Variants in ANKFN1 observed in about 807,000 individuals in gnomAD.
The protein encoded by ANKFN1 is ankyrin repeat and fibronectin type-III domain-containing protein 1.
Under a neutral mutation model 108.7 loss-of-function variants are expected in ANKFN1, and 74 were observed. That is an observed-to-expected ratio of 0.68 (90% confidence interval 0.56 to 0.83). ANKFN1 has a LOEUF of 0.83. Ranked by LOEUF, ANKFN1 falls within the 40% of genes least tolerant of loss-of-function variation. The probability of loss-of-function intolerance (pLI) is 0.00; values close to 1 mark genes in which losing one functional copy is unlikely to be tolerated. For missense variants in ANKFN1, 1,505 were observed against 1,382.3 expected, an observed-to-expected ratio of 1.09 and a Z score of -1.41; for synonymous variants, 547 against 516.2, an observed-to-expected ratio of 1.06 and a Z score of -0.81.
upstream of ANKFN1, among the ~76,000 whole-genome samples, chr17:56,149,629 G>A (rs1053656735): frequency 6.6e-6 from 1 of 152,194 alleles, no homozygotes; most frequent in African/African-American, 2.4e-5. Context: ...TAAAGAAAGA[G>A]CTTCCTTGGA....
chr17:56,081,621 G>A (rs1905247028), intron 4 of ANKFN1, among the ~76,000 whole-genome samples: 1 of 152,142 alleles, frequency 6.6e-6, no homozygotes, highest in Non-Finnish European at 1.5e-5. Context: ...CCAAAGTACT[G>A]GGATTACAGG....
Position 56,363,358 on chromosome 17 carries a change from C to G in ANKFN1, c.602-9288C>G, listed in dbSNP as rs2046575900. Among the ~76,000 whole-genome samples, 5 of 152,022 alleles carry G rather than the reference C, an allele frequency of 3.3e-5. No homozygotes were observed. The South Asian group carries it at 1.0e-3, about 32-fold the overall frequency. ...TCTTCAGGAAAATGCAAATTAAGATCACAATGAGAAATGAGATATCATCTA... is the reference window on the plus strand; with the variant it reads ...TCTTCAGGAAAATGCAAATTAAGATGACAATGAGAAATGAGATATCATCTA... On this transcript the variant is annotated intron_variant, in intron 6 of 20. Transcript: ENST00000682825.
chr17:56,154,125 G>A (rs971179334), intron 1 of ANKFN1, among the ~76,000 whole-genome samples: 1 of 152,126 alleles, frequency 6.6e-6, no homozygotes, highest in Non-Finnish European at 1.5e-5. Context: ...GGTTGTGTCG[G>A]TGGTATCGGA....
At chr17:56,153,441 A>G, upstream of ANKFN1, 1 of 1,587,878 alleles carries the variant, frequency 6.3e-7, no homozygotes, top group East Asian at 2.2e-5. Flanking sequence ...CCGTGTGGAC[A>G]TTCGCAAAGG....
intron 2 of ANKFN1, among the ~76,000 whole-genome samples, chr17:56,218,418 A>G (rs1344836166): frequency 1.3e-5 from 2 of 152,082 alleles, no homozygotes; most frequent in Admixed American, 1.3e-4. Flanking sequence ...ATAATGTTCA[A>G]CCCTTTACCT....
intron 11 of ANKFN1, among the ~76,000 whole-genome samples, chr17:56,454,683 T>C (rs1483746183): frequency 6.6e-6 from 1 of 152,154 alleles, no homozygotes; most frequent in African/African-American, 2.4e-5. Flanking sequence ...GGTCAAATTT[T>C]CCACAGAAAT....
At chr17:56,373,694 G>A (rs1385608933) in intron 7 of ANKFN1, among the ~76,000 whole-genome samples, 1 of 152,154 alleles carries the variant, frequency 6.6e-6, no homozygotes, top group African/African-American at 2.4e-5. Flanking sequence ...CCTTTCTCTT[G>A]GAGCAAATAA....
chr17:56,170,807 T>TATATATACACACACAC (rs1361307404), intron 1 of ANKFN1, among the ~76,000 whole-genome samples: 18 of 61,444 alleles, frequency 2.9e-4, no homozygotes, highest in African/African-American at 9.1e-4. Flanking sequence ...TATATATATA[T>TATATATACACACACAC]ACACACACAC....
chr17:56,363,560 C>T (rs2046582174), intron 6 of ANKFN1, among the ~76,000 whole-genome samples: 1 of 152,162 alleles, frequency 6.6e-6, no homozygotes, highest in South Asian at 2.1e-4. Flanking sequence ...CCTAGTCATC[C>T]TACTTCTGGG....
intron 11 of ANKFN1, among the ~76,000 whole-genome samples, chr17:56,454,659 C>T (rs1424011976): frequency 9.2e-5 from 14 of 152,206 alleles, no homozygotes; most frequent in Non-Finnish European, 1.8e-4. Flanking sequence ...TCTTTGGGTA[C>T]GTTCTCTTAG....
intron 1 of ANKFN1, among the ~76,000 whole-genome samples, chr17:56,176,163 C>G (rs1448736035): frequency 6.6e-6 from 1 of 151,876 alleles, no homozygotes; most frequent in Admixed American, 6.6e-5. Flanking sequence ...GTAAATGATG[C>G]GAATCCATGT....
intron 3 of ANKFN1, among the ~76,000 whole-genome samples, chr17:56,231,793 C>T (rs1324681194): frequency 1.3e-5 from 2 of 152,098 alleles, no homozygotes; most frequent in Non-Finnish European, 2.9e-5. Flanking sequence ...TATGATTTTA[C>T]TGTGTGTGTG....
intron 1 of ANKFN1, among the ~76,000 whole-genome samples, chr17:56,161,779 T>A (rs919735236): frequency 1.3e-5 from 2 of 151,536 alleles, no homozygotes; most frequent in Admixed American, 1.3e-4. Flanking sequence ...AAAAAAAAAA[T>A]TCATGAATTG....
At chr17:56,467,723 GAA>G (rs1316413118) in intron 15 of ANKFN1, among the ~76,000 whole-genome samples, 5 of 132,570 alleles carry the variant, frequency 3.8e-5, no homozygotes, top group Admixed American at 1.5e-4. Flanking sequence ...GAGAAAGAAA[GAA>G]AGAGAGAAAG....
At position 56,482,314 on chromosome 17, in the gene ANKFN1, T is replaced by C. The variant is rs774091211; in HGVS notation, c.2092-42T>C. ...TGGTGTTGTTTATGTAAGTGCCATG[T>C]TGTAACTCTCCTATTTTTCCTCCGC... On this transcript the variant is annotated intron_variant, in intron 17 of 20. Transcript: ENST00000682825. 16 of 1,521,208 alleles carry C rather than the reference T, an allele frequency of 1.1e-5. No homozygotes were observed. In the East Asian group the frequency reaches 2.8e-4, roughly 26 times the overall value. 94.2% of individuals were successfully genotyped at this position (1,521,208 alleles called of 1,614,324 possible).
At chr17:56,467,824 AAG>A (rs1491147893) in intron 15 of ANKFN1, among the ~76,000 whole-genome samples, 91 of 47,330 alleles carry the variant, frequency 1.9e-3, no homozygotes, top group African/African-American at 0.011. Context: ...GAAAGAAAGA[AAG>A]AAAGAAAGAA....
At chr17:56,340,697 T>A (rs1289505400) in intron 4 of ANKFN1, among the ~76,000 whole-genome samples, 1 of 152,148 alleles carries the variant, frequency 6.6e-6, no homozygotes, top group Non-Finnish European at 1.5e-5. Flanking sequence ...GCTGTTTTGT[T>A]TACTGTACCC....
Position 56,511,085 on chromosome 17 carries a change from C to T in ANKFN1, c.3257C>T (p.Ser1086Phe), listed in dbSNP as rs1235925170. The T allele has an allele frequency of 6.5e-7, 1 of 1,535,896 alleles. No homozygotes were observed. Among genetic ancestry groups the T allele is most frequent in the African/African-American group, 1.4e-5 (1 of 73,056 alleles). ...AGCAGTCTCCAGGACGCGAGGCCTT[C>T]CGTCCGCCGCCTCTACGTGGAGCCC... ...RNSSLQDARPSVRRLYVEPYA... is the reference protein window; with the variant it reads ...RNSSLQDARPFVRRLYVEPYA... The change falls in exon 21 of 21, where the codon TCC (serine) becomes TTC (phenylalanine). Residue 1086 changes from serine to phenylalanine, a missense_variant. Transcript: ENST00000682825.
At chr17:56,420,402 T>G (rs528409091) in intron 8 of ANKFN1, among the ~76,000 whole-genome samples, 4 of 152,280 alleles carry the variant, frequency 2.6e-5, no homozygotes, top group South Asian at 4.1e-4. Context: ...AAAGTTGGAG[T>G]GGCAAAGTTG....
Sources: allele counts gnomAD v4.1 joint callset (sites outside exome capture counted in the v4.1 genomes callset), GRCh38; gene constraint gnomAD v4.1.1; transcripts MANE v1.5; gene names NCBI Gene and HGNC (gene_info 2026-07-23, HGNC 2026-07-21).